Variants in GPR149 observed in about 807,000 individuals in gnomAD.
GPR149 encodes probable G protein-coupled receptor 149.
GPR149 carries 50 observed loss-of-function variants against 50.2 expected under a neutral mutation model. The ratio of observed to expected loss-of-function variants is 1.00; its 90% CI spans 0.79 to 1.26. The LOEUF is 1.26. Among genes scored for constraint, GPR149 ranks in the 50% most tolerant of loss-of-function variants. The pLI, the probability that GPR149 is intolerant of heterozygous loss-of-function variation, is 0.00. For synonymous variants in GPR149, 405 were observed against 358.2 expected, an observed-to-expected ratio of 1.13 and a Z score of -1.48; for missense variants, 983 against 895.4, an observed-to-expected ratio of 1.10 and a Z score of -1.25.
At chr3:154,346,077 T>C (rs1016546107) in intron 3 of GPR149, among the ~76,000 whole-genome samples, 3 of 152,212 alleles carry the variant, frequency 2.0e-5, no homozygotes, top group African/African-American at 7.2e-5. Flanking sequence ...ATTCTGTCAC[T>C]AACTCATGAG....
At chr3:154,368,268 G>A (rs933545405) in intron 3 of GPR149, among the ~76,000 whole-genome samples, 5 of 152,204 alleles carry the variant, frequency 3.3e-5, no homozygotes, top group African/African-American at 1.2e-4. Context: ...CATCTTGCAA[G>A]CAAGGTTATT....
chr3:154,395,670 C>T (rs1289430645), intron 3 of GPR149, among the ~76,000 whole-genome samples: 1 of 151,930 alleles, frequency 6.6e-6, no homozygotes, highest in Non-Finnish European at 1.5e-5. Flanking sequence ...GTGGTGTGTG[C>T]CTGTAGTTCC....
At position 154,428,984 on chromosome 3, in the gene GPR149, G is replaced by A; in HGVS notation, c.632C>T (p.Pro211Leu). 6.2e-7 allele frequency: 1 copy of A among 1,614,062 alleles called. No individual in the cohort carries two copies. Among genetic ancestry groups the A allele is most frequent in the Non-Finnish European group, 8.5e-7 (1 of 1,179,986 alleles). ...CGAACACAGCAATCGGTGAGTGAGT[G>A]GGACTGAGAGGCCCACGAGGAGTCC... is the stretch of plus-strand genomic sequence containing the variant. ...AFGLLVGLSV[P>L]LTHRLLCSEE... The change falls in exon 1 of 4, where the codon CCA (proline) becomes CTA (leucine). Residue 211 changes from proline (P) to leucine (L), a missense_variant. Physicochemically the swap from Pro to Leu is moderately conservative, Grantham distance 98. Transcript: ENST00000389740.
At chr3:154,340,437 G>A (rs1713764232) in intron 3 of GPR149, among the ~76,000 whole-genome samples, 1 of 152,168 alleles carries the variant, frequency 6.6e-6, no homozygotes, top group African/African-American at 2.4e-5. Flanking sequence ...CAAAAGAGAA[G>A]TAGGTTTCAT....
intron 3 of GPR149, among the ~76,000 whole-genome samples, chr3:154,419,947 C>G (rs1158145420): frequency 1.3e-5 from 2 of 152,016 alleles, no homozygotes; most frequent in African/African-American, 2.4e-5. Context: ...AAACTCTAAA[C>G]ATATGCACAA....
chr3:154,386,751 G>C (rs1281714213), intron 3 of GPR149, among the ~76,000 whole-genome samples: 1 of 152,150 alleles, frequency 6.6e-6, no homozygotes, highest in Non-Finnish European at 1.5e-5. Context: ...CAAAACCACT[G>C]CGATTGAATT....
chr3:154,368,736 TC>T (rs1167156287), intron 3 of GPR149, among the ~76,000 whole-genome samples: 1 of 152,310 alleles, frequency 6.6e-6, no homozygotes, highest in South Asian at 2.1e-4. Flanking sequence ...CAGCAGCTGT[TC>T]TCTCAGCCCT....
chr3:154,365,662 A>G (rs1714516098), intron 3 of GPR149, among the ~76,000 whole-genome samples: 1 of 152,164 alleles, frequency 6.6e-6, no homozygotes, highest in Non-Finnish European at 1.5e-5. Context: ...CTTCCACCAA[A>G]TGTCTTAGTT....
At chr3:154,414,979 G>C (rs759757723) in intron 3 of GPR149, among the ~76,000 whole-genome samples, 1 of 152,084 alleles carries the variant, frequency 6.6e-6, no homozygotes, top group African/African-American at 2.4e-5. Context: ...TTAATTTCTT[G>C]ATAATTGCAT....
At chr3:154,348,704 A>G (rs1559970247) in intron 3 of GPR149, among the ~76,000 whole-genome samples, 1 of 152,196 alleles carries the variant, frequency 6.6e-6, no homozygotes. Flanking sequence ...ATAACTAGAA[A>G]GAAAATCAAC....
chr3:154,361,600 G>T (rs1714402187), intron 3 of GPR149, among the ~76,000 whole-genome samples: 1 of 152,102 alleles, frequency 6.6e-6, no homozygotes, highest in Non-Finnish European at 1.5e-5. Context: ...ATGCTCCAAA[G>T]CTTTTGTTTT....
At chr3:154,379,676 C>T (rs968109417) in intron 3 of GPR149, among the ~76,000 whole-genome samples, 2 of 152,060 alleles carry the variant, frequency 1.3e-5, no homozygotes, top group African/African-American at 4.8e-5. Flanking sequence ...ATCCAAGTGT[C>T]CCAGCACCAT....
chr3:154,428,506 G>A, intron 1 of GPR149, 129 bp downstream of exon 1: 1 of 1,055,140 alleles, frequency 9.5e-7, no homozygotes, highest in Non-Finnish European at 1.4e-6. Flanking sequence ...AAAACCCAGC[G>A]AGATACACTT....
At chr3:154,393,742 CAT>C (rs1715222660) in intron 3 of GPR149, among the ~76,000 whole-genome samples, 1 of 151,866 alleles carries the variant, frequency 6.6e-6, no homozygotes. Flanking sequence ...ACAAAATCAA[CAT>C]ACAAAAATTA....
intron 3 of GPR149, among the ~76,000 whole-genome samples, chr3:154,363,415 G>C (rs962402607): frequency 6.6e-6 from 1 of 152,094 alleles, no homozygotes; most frequent in Admixed American, 6.5e-5. Context: ...TTAGTGTTTG[G>C]TGAGGGGTGC....
At chr3:154,394,615 T>C (rs980987406) in intron 3 of GPR149, among the ~76,000 whole-genome samples, 3 of 152,036 alleles carry the variant, frequency 2.0e-5, no homozygotes, top group Non-Finnish European at 4.4e-5. Flanking sequence ...ACCTACAGAA[T>C]AGAAGAAAAT....
At chr3:154,340,680 G>A (rs933280294) in intron 3 of GPR149, among the ~76,000 whole-genome samples, 9 of 149,532 alleles carry the variant, frequency 6.0e-5, no homozygotes, top group Non-Finnish European at 1.0e-4. Flanking sequence ...TTGTGGAGGG[G>A]GGACATGTGA....
intron 3 of GPR149, among the ~76,000 whole-genome samples, chr3:154,404,320 A>T (rs991525769): frequency 6.6e-6 from 1 of 152,194 alleles, no homozygotes; most frequent in African/African-American, 2.4e-5. Flanking sequence ...ATGAAGTATC[A>T]GTTTAAATCT....
Position 154,428,663 on chromosome 3 carries a change from G to C in GPR149, c.953C>G (p.Thr318Arg). ...CATGGGCAGCCAAAGGACGACTTTTGTAAGCGCTAGGATCAAAGCGAAGCG... is the reference window on the plus strand; with the variant it reads ...CATGGGCAGCCAAAGGACGACTTTTCTAAGCGCTAGGATCAAAGCGAAGCG... The part of the protein sequence containing the change: ...QKRFALILAL[T>R]KVVLWLPMMM... The change falls in exon 1 of 4, where the codon ACA becomes AGA. Residue 318 changes from threonine (T) to arginine (R), a missense_variant. Thr to Arg is a moderately conservative substitution (Grantham distance 71). Coordinates refer to ENST00000389740, the MANE Select transcript of GPR149 (RefSeq NM_001038705.3). 5 of 1,612,110 alleles carry C rather than the reference G, an allele frequency of 3.1e-6. No homozygotes were observed. Among genetic ancestry groups the C allele is most frequent in the Non-Finnish European group, 3.4e-6 (4 of 1,179,404 alleles).
Sources: gnomAD v4.1 joint callset for allele counts (sites outside exome capture counted in the v4.1 genomes callset) on GRCh38, gnomAD v4.1.1 for gene constraint, MANE v1.5 for transcripts, NCBI Gene and HGNC (gene_info 2026-07-23, HGNC 2026-07-21) for gene names.